Variants in SH3TC1 observed in about 807,000 individuals in gnomAD.
SH3TC1 encodes the protein SH3 domain and tetratricopeptide repeats 1.
Under a neutral mutation model 117.3 loss-of-function variants are expected in SH3TC1, and 135 were observed. That is an observed-to-expected ratio of 1.15 (90% CI 1.00 to 1.33). SH3TC1 has a LOEUF of 1.33. SH3TC1 is among the 40% of genes most tolerant of loss of function. The pLI is 0.00. For synonymous variants in SH3TC1, 898 were observed against 816.9 expected, an observed-to-expected ratio of 1.10 and a Z score of -1.69; for missense variants, 2,092 against 1,794.3, an observed-to-expected ratio of 1.17 and a Z score of -3.00.
intron 12 of SH3TC1, among the ~76,000 whole-genome samples, chr4:8,229,543 GGTGA>G (rs1284001533): frequency 6.0e-5 from 9 of 149,280 alleles, no homozygotes; most frequent in African/African-American, 1.7e-4. Context: ...TGTAAGTGGG[GGTGA>G]GTGAGCAGGG....
intron 12 of SH3TC1, chr4:8,231,701 C>T (rs541037473): frequency 2.0e-5 from 10 of 493,084 alleles, no homozygotes; most frequent in Middle Eastern, 1.1e-3. Flanking sequence ...CTGGTCCTGG[C>T]CAGAGGGGCT....
At chr4:8,236,583 G>A in intron 16 of SH3TC1, 155 bp downstream of exon 16, 1 of 1,043,590 alleles carries the variant, frequency 9.6e-7, no homozygotes, top group Non-Finnish European at 1.3e-6. Flanking sequence ...TCCGGCCGTG[G>A]GGCACAGCCC....
chr4:8,240,684 C>T lies in SH3TC1; in HGVS notation c.3754-14C>T, dbSNP rs1338407009. The T allele has an allele frequency of 3.1e-6, 5 of 1,613,754 alleles. No individual in the cohort carries two copies. In the South Asian group the frequency reaches 3.3e-5, roughly 11 times the overall value. ...CGAGTCCCCCTTTTGCTGAGCATGG[C>T]CTGTCCCCTTCAGGACCCGTTTGAT... On this transcript the variant is annotated splice_polypyrimidine_tract_variant and intron_variant, in intron 17 of 17. Transcript: ENST00000245105.
intron 3 of SH3TC1, 119 bp from the exon 4 acceptor site, chr4:8,212,582 C>T (rs1443842832): frequency 1.4e-6 from 2 of 1,413,306 alleles, no homozygotes; most frequent in Non-Finnish European, 1.9e-6. Context: ...CCCAGGAGCT[C>T]ACTGCCCAGG....
At position 8,219,397 on chromosome 4, in the gene SH3TC1, C is replaced by A; in HGVS notation, c.979C>A (p.Arg327=). 6.2e-7 allele frequency: 1 copy of A among 1,610,804 alleles called. No individual in the cohort carries two copies. The highest frequency in any genetic ancestry group is 8.5e-7 in the Non-Finnish European group (1 of 1,178,210). ...CTCGGGGCCCGAAGAGATGACCTTCCGAGGTGGCGACCTCATCGAGATCCT... is the reference window on the plus strand; with the variant it reads ...CTCGGGGCCCGAAGAGATGACCTTCAGAGGTGGCGACCTCATCGAGATCCT... ...QGSGPEEMTF[R]GGDLIEILGA... Residue 327 remains arginine (R), a synonymous_variant, in exon 9 of 18, where the codon CGA becomes AGA. Coordinates refer to ENST00000245105, the MANE Select transcript of SH3TC1 (RefSeq NM_018986.5).
chr4:8,219,928 T>C (rs2152987719), intron 9 of SH3TC1, among the ~76,000 whole-genome samples: 1 of 152,326 alleles, frequency 6.6e-6, no homozygotes, highest in East Asian at 1.9e-4. Flanking sequence ...GGGTCCTTCT[T>C]GCCTCTTCCA....
chr4:8,191,688 C>G (rs1353129386), intron 1 of SH3TC1, among the ~76,000 whole-genome samples: 1 of 152,126 alleles, frequency 6.6e-6, no homozygotes, highest in African/African-American at 2.4e-5. Flanking sequence ...AACTTGGGTG[C>G]GCAGAGGAAT....
upstream of SH3TC1, among the ~76,000 whole-genome samples, chr4:8,195,391 C>A (rs1034799407): frequency 2.0e-5 from 3 of 152,160 alleles, no homozygotes; most frequent in African/African-American, 7.2e-5. Flanking sequence ...GTGCTTCTGC[C>A]CCAGTGTCTG....
chr4:8,219,447 C>T lies in SH3TC1; in HGVS notation c.1029C>T (p.Pro343=), dbSNP rs764209591. 1 of 1,609,998 alleles carries T rather than the reference C, an allele frequency of 6.2e-7. No individual in the cohort carries two copies. The highest frequency in any genetic ancestry group is 1.3e-5 in the African/African-American group (1 of 74,800). ...EILGAQVPSL[P]WCVGRHAASG... ...TTGGGGCGCAGGTGCCCAGCCTGCCCTGGTGCGTGGGCCGACACGCAGCCT... is the reference window on the plus strand; with the variant it reads ...TTGGGGCGCAGGTGCCCAGCCTGCCTTGGTGCGTGGGCCGACACGCAGCCT... Residue 343 remains proline, a synonymous_variant, in exon 9 of 18, where the codon CCC becomes CCT. Coordinates refer to ENST00000245105, the MANE Select transcript of SH3TC1 (RefSeq NM_018986.5).
chr4:8,184,152 T>C (rs1717160176), intron 1 of SH3TC1, among the ~76,000 whole-genome samples: 1 of 152,210 alleles, frequency 6.6e-6, no homozygotes, highest in South Asian at 2.1e-4. Flanking sequence ...CTAGATGCAA[T>C]ATCTGTATCT....
At position 8,237,662 on chromosome 4, in the gene SH3TC1, G is replaced by C. The variant is rs988429618; in HGVS notation, c.3745G>C (p.Asp1249His). ...GGTGCTCGGTGACATCATCTTCTAC[G>C]ACCTGAAGGTGGGTGGGGAGGGGCT... ...YLVLGDIIFYDLKDPFDAAGY... is the reference protein window; with the variant it reads ...YLVLGDIIFYHLKDPFDAAGY... The change falls in exon 17 of 18, where the codon GAC becomes CAC. Residue 1249 changes from aspartate to histidine, a missense_variant. Asp to His is a moderately conservative substitution (Grantham distance 81). Coordinates refer to ENST00000245105, the MANE Select transcript of SH3TC1 (RefSeq NM_018986.5). 4 of 1,599,752 alleles carry C rather than the reference G, an allele frequency of 2.5e-6. No homozygotes were observed. The highest frequency in any genetic ancestry group is 1.3e-5 in the African/African-American group (1 of 74,668).
intron 10 of SH3TC1, 93 bp downstream of exon 10, chr4:8,223,063 C>G: frequency 6.8e-7 from 1 of 1,480,358 alleles, no homozygotes; most frequent in South Asian, 1.3e-5. Context: ...ATAGTGCCAG[C>G]CCCTGGATGC....
At chr4:8,226,261 G>A (rs935501939) in intron 11 of SH3TC1, among the ~76,000 whole-genome samples, 2 of 152,202 alleles carry the variant, frequency 1.3e-5, no homozygotes, top group Non-Finnish European at 2.9e-5. Flanking sequence ...ATCCACCAAA[G>A]CCAGCAGGCG....
intron 1 of SH3TC1, among the ~76,000 whole-genome samples, chr4:8,202,908 C>A (rs941905117): frequency 1.3e-5 from 2 of 152,306 alleles, no homozygotes; most frequent in South Asian, 2.1e-4. Flanking sequence ...GACTTTAGAC[C>A]GTGGGCTCCT....
chr4:8,212,643 C>G, intron 3 of SH3TC1, 58 bp from the exon 4 acceptor site: 1 of 1,609,668 alleles, frequency 6.2e-7, no homozygotes, highest in Non-Finnish European at 8.5e-7. Flanking sequence ...AGTACAGTGC[C>G]CCACAGACTT....
chr4:8,204,125 G>A (rs1044109844), intron 1 of SH3TC1, among the ~76,000 whole-genome samples: 4 of 152,338 alleles, frequency 2.6e-5, no homozygotes, highest in East Asian at 3.9e-4. Context: ...GAGGTCAGAG[G>A]CATGGCCGTC....
intron 10 of SH3TC1, among the ~76,000 whole-genome samples, chr4:8,223,350 G>A (rs1354607257): frequency 6.6e-6 from 1 of 152,260 alleles, no homozygotes; most frequent in African/African-American, 2.4e-5. Context: ...CTGGGTGAGA[G>A]TGACTTTTCT....
intron 5 of SH3TC1, among the ~76,000 whole-genome samples, chr4:8,215,426 G>A (rs1464223208): frequency 6.6e-6 from 1 of 152,198 alleles, no homozygotes; most frequent in Non-Finnish European, 1.5e-5. Context: ...CTGTGGACGT[G>A]GGCTTCTTGA....
intron 1 of SH3TC1, among the ~76,000 whole-genome samples, chr4:8,188,561 C>T (rs1362856875): frequency 6.6e-6 from 1 of 152,260 alleles, no homozygotes; most frequent in African/African-American, 2.4e-5. Context: ...CTATGTGGGC[C>T]AGTGGGGGAG....
Sources: allele counts gnomAD v4.1 joint callset (sites outside exome capture counted in the v4.1 genomes callset), GRCh38; gene constraint gnomAD v4.1.1; transcripts MANE v1.5; gene names NCBI Gene and HGNC (gene_info 2026-07-23, HGNC 2026-07-21).